COL6A2: variants seen among roughly 807,000 people sequenced by gnomAD.
COL6A2 encodes collagen alpha-2(VI) chain.
In COL6A2, 90 loss-of-function variants were observed where a neutral mutation model predicts 124.9. That is an observed-to-expected ratio of 0.72 (90% CI 0.61 to 0.86). The LOEUF (loss-of-function observed/expected upper bound fraction) is 0.86, where lower values mean the gene tolerates loss of function less well. COL6A2 is among the 40% of genes least tolerant of loss of function. The probability of loss-of-function intolerance (pLI) is 0.00; values close to 1 mark genes in which losing one functional copy is unlikely to be tolerated. For missense variants in COL6A2, 1,607 were observed against 1,502.5 expected, an observed-to-expected ratio of 1.07 and a Z score of -1.15; for synonymous variants, 793 against 618.2, an observed-to-expected ratio of 1.28 and a Z score of -4.19.
intron 27 of COL6A2, among the ~76,000 whole-genome samples, chr21:46,126,745 C>T (rs2078676416): frequency 6.6e-6 from 1 of 152,156 alleles, no homozygotes; most frequent in Non-Finnish European, 1.5e-5. Flanking sequence ...CCCAGGAACG[C>T]AGGAACAGCA....
At chr21:46,123,477 C>T (rs1197869954) in intron 21 of COL6A2, among the ~76,000 whole-genome samples, 1 of 152,048 alleles carries the variant, frequency 6.6e-6, no homozygotes, top group African/African-American at 2.4e-5. Context: ...TGGTCTGGAA[C>T]TGAGCACAAA....
At position 46,132,188 on chromosome 21, in the gene COL6A2, C is replaced by A; in HGVS notation, c.2696C>A (p.Thr899Lys). The A allele has an allele frequency of 6.3e-7, 1 of 1,575,016 alleles. No individual in the cohort carries two copies. The highest frequency in any genetic ancestry group is 1.1e-5 in the South Asian group (1 of 87,018). The change falls in exon 28 of 28, where the codon ACG becomes AAG. Residue 899 changes from threonine (T) to lysine (K), a missense_variant. By Grantham distance (78) the Thr-to-Lys change is moderately conservative. Coordinates refer to ENST00000300527, the MANE Select transcript of COL6A2 (RefSeq NM_001849.4). ...GCCTTCCCGCTGAGCCACAACCTCA[C>A]GGCCATCCACGAGGCGCTGGAGACC... is the stretch of plus-strand genomic sequence containing the variant. ...QVAFPLSHNL[T>K]AIHEALETTQ...
Position 46,125,489 on chromosome 21 carries a change from T to C in COL6A2, c.1841T>C (p.Leu614Pro). ...GACTGTGAGAAGCGCTGTGGCGCCCTGGACGTGGTCTTCGTCATCGACAGC... is the reference window on the plus strand; with the variant it reads ...GACTGTGAGAAGCGCTGTGGCGCCCCGGACGTGGTCTTCGTCATCGACAGC... The part of the protein sequence containing the change: ...CCDCEKRCGA[L>P]DVVFVIDSSE... The change falls in exon 25 of 28, where the codon CTG (leucine) becomes CCG (proline). Residue 614 changes from leucine to proline, a missense_variant. This residue lies in a region of COL6A2 where 1,223 missense variants were observed against 1,052.2 expected (regional missense o/e 1.16). Transcript: ENST00000300527. The C allele has an allele frequency of 6.2e-7, 1 of 1,612,910 alleles. No homozygotes were observed. The highest frequency in any genetic ancestry group is 2.2e-5 in the East Asian group (1 of 44,856).
chr21:46,125,055 A>C, intron 23 of COL6A2, 135 bp downstream of exon 23: 9 of 1,252,296 alleles, frequency 7.2e-6, no homozygotes, highest in Non-Finnish European at 9.3e-6. Context: ...GCAAGGTCAG[A>C]GAGCAAGCTT....
Position 46,132,475 on chromosome 21 carries a change from G to T in COL6A2, c.2983G>T (p.Ala995Ser). ...LTTLSLGDRA[A>S]VFHEKDYDSL... ...CACGCTCAGCCTGGGTGACCGCGCC[G>T]CCGTGTTCCACGAGAAGGACTATGA... Residue 995 changes from alanine (A) to serine (S), a missense_variant, in exon 28 of 28, where the codon GCC (alanine) becomes TCC (serine). This residue lies in a region of COL6A2 where 1,223 missense variants were observed against 1,052.2 expected (regional missense o/e 1.16). Coordinates refer to ENST00000300527, the MANE Select transcript of COL6A2 (RefSeq NM_001849.4). The T allele has an allele frequency of 7.5e-6, 12 of 1,606,760 alleles. No homozygotes were observed. The highest frequency in any genetic ancestry group is 1.0e-5 in the Non-Finnish European group (12 of 1,177,924).
intron 1 of COL6A2, among the ~76,000 whole-genome samples, chr21:46,098,381 G>T (rs894556454): frequency 6.6e-6 from 1 of 151,884 alleles, no homozygotes; most frequent in South Asian, 2.1e-4. Flanking sequence ...CGCGTCTCTG[G>T]GTCCGACCCT....
chr21:46,107,935 TG>T (rs1215109399), intron 1 of COL6A2, among the ~76,000 whole-genome samples: 1 of 152,156 alleles, frequency 6.6e-6, no homozygotes, highest in African/African-American at 2.4e-5. Flanking sequence ...GGCTGTGTCA[TG>T]GGTCATGGCC....
intron 1 of COL6A2, among the ~76,000 whole-genome samples, chr21:46,103,626 T>G (rs1302163332): frequency 6.6e-6 from 1 of 152,236 alleles, no homozygotes; most frequent in Non-Finnish European, 1.5e-5. Flanking sequence ...CTCTAAGTAT[T>G]TTATAATTTC....
Position 46,126,550 on chromosome 21 carries a change from G to A in COL6A2, c.2461+9G>A, listed in dbSNP as rs2078672583. 6.2e-7 allele frequency: 1 copy of A among 1,613,440 alleles called. No individual in the cohort carries two copies. Among genetic ancestry groups the A allele is most frequent in the Non-Finnish European group, 8.5e-7 (1 of 1,179,930 alleles). On this transcript the variant is annotated intron_variant, in intron 27 of 27. Transcript: ENST00000300527. ...CCTTCCCTGCCAAACAGGTAATGCA[G>A]GGCACCCTGAGCCACCACCCCAGAC...
chr21:46,103,018 G>C (rs2078303563), intron 1 of COL6A2, among the ~76,000 whole-genome samples: 2 of 152,022 alleles, frequency 1.3e-5, no homozygotes, highest in African/African-American at 4.8e-5. Context: ...TTATGTGTTT[G>C]GTAGAATTCA....
rs745658515 is a variant in COL6A2 at position 46,112,597 on chromosome 21, A to C, written c.714+20A>C. On this transcript the variant is annotated intron_variant, in intron 3 of 27. Coordinates refer to ENST00000300527, the MANE Select transcript of COL6A2 (RefSeq NM_001849.4). ...GTCATGGTGAGCCGCGGGCGGGAGC[A>C]CCGTCCACGCGCCAGGGGTGGCCAC... 2.5e-6 allele frequency: 4 copies of C among 1,610,614 alleles called. No homozygotes were observed. Among genetic ancestry groups the C allele is most frequent in the Non-Finnish European group, 2.5e-6 (3 of 1,179,310 alleles).
Position 46,125,878 on chromosome 21 carries a change from A to G in COL6A2, c.2063A>G (p.Lys688Arg), listed in dbSNP as rs2078656763. The change falls in exon 26 of 28, where the codon AAG becomes AGG. Residue 688 changes from lysine to arginine, a missense_variant. By Grantham distance (26) the Lys-to-Arg change is conservative (BLOSUM62 2). This residue lies in a region of COL6A2 where 1,223 missense variants were observed against 1,052.2 expected (regional missense o/e 1.16). Transcript: ENST00000300527. ...CGTATCGACTCCCTGTCGAGCTTCA[A>G]GGAGGCTGTCAAGAACCTCGAGTGG... ...DERIDSLSSFKEAVKNLEWIA... is the reference protein window; with the variant it reads ...DERIDSLSSFREAVKNLEWIA... 1.2e-6 allele frequency: 2 copies of G among 1,613,018 alleles called. No homozygotes were observed. Among genetic ancestry groups the G allele is most frequent in the African/African-American group, 2.7e-5 (2 of 74,894 alleles).
intron 1 of COL6A2, among the ~76,000 whole-genome samples, chr21:46,107,934 A>G (rs529426215): frequency 7.2e-5 from 11 of 152,240 alleles, no homozygotes; most frequent in African/African-American, 1.7e-4. Context: ...GGGCTGTGTC[A>G]TGGGTCATGG....
At chr21:46,119,314 G>C (rs1389752488) in intron 14 of COL6A2, among the ~76,000 whole-genome samples, 195 bp downstream of exon 14, 2 of 152,178 alleles carry the variant, frequency 1.3e-5, no homozygotes, top group African/African-American at 2.4e-5. Context: ...TAGAGGTAAA[G>C]CCCAGGCAGG....
In COL6A2 at chr21:46,114,086, G is replaced by T; in HGVS notation, c.801+13G>T. ...CCGTGGACAGAAGGTAAGATGCCCA[G>T]ATTACCTGCAGGGTCTGCGCTACCA... On this transcript the variant is annotated intron_variant, in intron 5 of 27. Transcript: ENST00000300527. 1 of 1,607,434 alleles carries T rather than the reference G, an allele frequency of 6.2e-7. No homozygotes were observed.
At position 46,111,587 on chromosome 21, in the gene COL6A2, CCCAGGTG is replaced by C. The variant is rs1407260029; in HGVS notation, c.115+2_115+8del. ...ACACTACCGAGAGAAACAACAACTG[CCCAGGTG>C]CCAGGGGTCGGGGGCCGGGGGCTCT... On this transcript the variant is annotated splice_donor_variant and splice_donor_region_variant and coding_sequence_variant and intron_variant, in exon 2 of 28. Transcript: ENST00000300527. LOFTEE classifies it high-confidence loss of function. 1 of 1,611,852 alleles carries C rather than the reference CCCAGGTG, an allele frequency of 6.2e-7. No homozygotes were observed. The highest frequency in any genetic ancestry group is 8.5e-7 in the Non-Finnish European group (1 of 1,179,254).
rs754954890 is a variant in COL6A2, at chr21:46,121,569, A to G, written c.1472A>G (p.Asp491Gly). 1.2e-6 allele frequency: 2 copies of G among 1,611,992 alleles called. No homozygotes were observed. The highest frequency in any genetic ancestry group is 1.7e-6 in the Non-Finnish European group (2 of 1,179,768). The change falls in exon 18 of 28, where the codon GAC becomes GGC. Residue 491 changes from aspartate (D) to glycine (G), a missense_variant. Asp to Gly is a moderately conservative substitution (Grantham distance 94, BLOSUM62 -1). This residue lies in a region of COL6A2 where 1,223 missense variants were observed against 1,052.2 expected (regional missense o/e 1.16). Coordinates refer to ENST00000300527, the MANE Select transcript of COL6A2 (RefSeq NM_001849.4). Reference protein sequence around the residue: ...GEPGKQGSRGDPGDAGPRGDS... With the variant: ...GEPGKQGSRGGPGDAGPRGDS... ...TCCTGCCCTCAGGGATCTCGGGGAG[A>G]CCCCGGTGATGCAGGACCCCGTGGA...
At chr21:46,098,457 G>GA (rs2078250015) in intron 1 of COL6A2, among the ~76,000 whole-genome samples, 1 of 4,930 alleles carries the variant, frequency 2.0e-4, no homozygotes, top group Non-Finnish European at 7.5e-4. Context: ...TGGGCGGGGT[G>GA]GGGGGGTCCC....
At chr21:46,124,802 A>G in intron 22 of COL6A2, 83 bp from the exon 23 acceptor site, 5 of 1,598,630 alleles carry the variant, frequency 3.1e-6, no homozygotes, top group Non-Finnish European at 4.3e-6. Flanking sequence ...CGGTGGACCC[A>G]CGTATCAGTG....
Sources: gnomAD v4.1 joint callset for allele counts (sites outside exome capture counted in the v4.1 genomes callset) on GRCh38, gnomAD v4.1.1 for gene constraint, gnomAD v4.1.1 regional missense constraint, MANE v1.5 for transcripts, NCBI Gene and HGNC (gene_info 2026-07-23, HGNC 2026-07-21) for gene names.